Variants in RBM17 observed in about 807,000 individuals in gnomAD.
The protein encoded by RBM17 is RNA binding motif protein 17.
RBM17 carries 7 observed loss-of-function variants against 53.2 expected under a neutral mutation model. The ratio of observed to expected loss-of-function variants is 0.13; its 90% CI spans 0.07 to 0.25. RBM17 has a LOEUF of 0.25. Ranked by LOEUF, RBM17 falls within the 10% of genes least tolerant of loss-of-function variation. The probability of loss-of-function intolerance (pLI) is 1.00; values close to 1 mark genes in which losing one functional copy is unlikely to be tolerated. For missense variants in RBM17, 257 were observed against 496.7 expected, an observed-to-expected ratio of 0.52 and a Z score of 4.59; for synonymous variants, 167 against 178.1, an observed-to-expected ratio of 0.94 and a Z score of 0.50.
rs1002165199 is a variant in RBM17, at chr10:6,115,685, T to C, written c.*129T>C. 5 of 583,556 alleles carry C rather than the reference T, an allele frequency of 8.6e-6. No individual in the cohort carries two copies. Among genetic ancestry groups the C allele is most frequent in the African/African-American group, 1.9e-5 (1 of 53,656 alleles). The allele number at this position is 583,556 out of a possible 1,614,324, so 36.1% of individuals were successfully genotyped here. On this transcript the variant is annotated 3_prime_UTR_variant, in exon 12 of 12. Coordinates refer to ENST00000379888, the MANE Select transcript of RBM17 (RefSeq NM_032905.5). ...GACTCTTGGAAGGACTTCTAAGATA[T>C]ATGTTGATTGATCCCTTTTTTATTT...
chr10:6,099,737 T>C (rs1840642865), intron 2 of RBM17, among the ~76,000 whole-genome samples: 2 of 152,212 alleles, frequency 1.3e-5, no homozygotes, highest in South Asian at 4.1e-4. Flanking sequence ...CAACTCTATA[T>C]TGAATAGAAA....
Position 6,112,451 on chromosome 10 carries a change from G to A in RBM17, c.856+90G>A. Reference sequence around the variant, plus strand: ...CAGTCTTGATCCTCATGTGTCAGCAGGGGGACAATGAGGCGTGTGGCCAGA... The same window carrying A: ...CAGTCTTGATCCTCATGTGTCAGCAAGGGGACAATGAGGCGTGTGGCCAGA... On this transcript the variant is annotated intron_variant, in intron 8 of 11. Coordinates refer to ENST00000379888, the MANE Select transcript of RBM17 (RefSeq NM_032905.5). This position sits in a 1 kb window ranked among gnomAD's most constrained non-coding sequence, Gnocchi z 4.4. The A allele has an allele frequency of 6.7e-7, 1 of 1,489,782 alleles. No individual in the cohort carries two copies. The highest frequency in any genetic ancestry group is 9.2e-7 in the Non-Finnish European group (1 of 1,081,294). 92.3% of individuals were successfully genotyped at this position (1,489,782 alleles called of 1,614,324 possible). A position where few individuals can be genotyped will look rare whatever the true frequency, so the allele number is the denominator to read the frequency against.
intron 1 of RBM17, among the ~76,000 whole-genome samples, chr10:6,091,905 A>C (rs1459168997): frequency 1.3e-5 from 2 of 152,150 alleles, no homozygotes; most frequent in Non-Finnish European, 2.9e-5. Flanking sequence ...TCTGAGATGC[A>C]CTTGAAAGAT....
In RBM17 at chr10:6,112,523, C is replaced by A; in HGVS notation, c.856+162C>A. On this transcript the variant is annotated intron_variant, in intron 8 of 11. Coordinates refer to ENST00000379888, the MANE Select transcript of RBM17 (RefSeq NM_032905.5). The surrounding 1 kb of genome is among the most constrained non-coding windows in gnomAD (Gnocchi z 4.4). ...TCACTAGAACACAGGCCGTCCTGTT[C>A]ATATGATGCACTGCCACTTCCGTTT... 1 of 770,188 alleles carries A rather than the reference C, an allele frequency of 1.3e-6. No homozygotes were observed. The highest frequency in any genetic ancestry group is 2.2e-6 in the Non-Finnish European group (1 of 462,370). 47.7% of individuals were successfully genotyped at this position (770,188 alleles called of 1,614,324 possible).
At chr10:6,093,968 ATTTTTT>A (rs71390121) in intron 1 of RBM17, among the ~76,000 whole-genome samples, 2 of 93,262 alleles carry the variant, frequency 2.1e-5, no homozygotes, top group African/African-American at 8.9e-5. Context: ...CAAGTGTGGA[ATTTTTT>A]TTTTTTTTTT....
chr10:6,098,370 T>C lies in RBM17; in HGVS notation c.123+1182T>C, dbSNP rs76811939. On this transcript the variant is annotated intron_variant, in intron 2 of 11. Transcript: ENST00000379888. ...AGTACTTTAGAGATGTGTACTGAAA[T>C]ATTTACCGATAAGATGATGTCATTT... 3.7e-3 allele frequency among the ~76,000 whole-genome samples: 556 copies of C among 152,150 alleles called. 5 individuals are homozygous for C. Among genetic ancestry groups the C allele is most frequent in the African/African-American group, 0.013 (543 of 41,504 alleles).
chr10:6,101,491 G>A, intron 3 of RBM17, 104 bp downstream of exon 3: 2 of 518,198 alleles, frequency 3.9e-6, no homozygotes, highest in Non-Finnish European at 6.8e-6. Flanking sequence ...GTGGGCCTTT[G>A]AAACCAAGTT....
At chr10:6,101,659 A>G (rs1297574160) in intron 3 of RBM17, among the ~76,000 whole-genome samples, 2 of 152,210 alleles carry the variant, frequency 1.3e-5, no homozygotes, top group African/African-American at 2.4e-5. Context: ...GAAAAACGTA[A>G]TATTTTTCCA....
rs568909815 is a variant in RBM17 at position 6,106,253 on chromosome 10, A to T, written c.505+15A>T. 4.0e-6 allele frequency: 6 copies of T among 1,518,468 alleles called. No individual in the cohort carries two copies. The highest frequency in any genetic ancestry group is 5.5e-6 in the Non-Finnish European group (6 of 1,094,628). The allele number at this position is 1,518,468 out of a possible 1,614,324, so 94.1% of individuals were successfully genotyped here. ...GAGGAAAAGAAGTAAGGCATGAACA[A>T]ATATGTCTTAAACATATATAAATAC... is the stretch of plus-strand genomic sequence containing the variant. On this transcript the variant is annotated intron_variant, in intron 5 of 11. Transcript: ENST00000379888.
At chr10:6,108,591 T>C in intron 5 of RBM17, 95 bp from the exon 6 acceptor site, 1 of 925,216 alleles carries the variant, frequency 1.1e-6, no homozygotes, top group Non-Finnish European at 1.7e-6. Flanking sequence ...TAGTTTTTTC[T>C]TAGGGGGGTG....
intron 8 of RBM17, 118 bp from the exon 9 acceptor site, chr10:6,113,390 A>G (rs1033948719): frequency 2.9e-5 from 20 of 693,418 alleles, no homozygotes; most frequent in Admixed American, 1.8e-4. Flanking sequence ...TAGGACATAA[A>G]TGGTGGGGAT....
chr10:6,095,445 C>A (rs949347090), intron 1 of RBM17, among the ~76,000 whole-genome samples: 1 of 152,080 alleles, frequency 6.6e-6, no homozygotes, highest in African/African-American at 2.4e-5. Flanking sequence ...AACTCCTGAC[C>A]TCAAGTGATC....
chr10:6,091,452 G>C (rs1840483382), intron 1 of RBM17, among the ~76,000 whole-genome samples: 1 of 152,196 alleles, frequency 6.6e-6, no homozygotes, highest in Admixed American at 6.5e-5. Flanking sequence ...TAACAAGCCT[G>C]CCTCTTTAGG....
chr10:6,100,931 C>A (rs41295143), intron 2 of RBM17, among the ~76,000 whole-genome samples: 4,844 of 152,216 alleles, frequency 0.032, 90 homozygotes, highest in South Asian at 0.057. Context: ...AAATGATTTT[C>A]TTTTAAAAAC....
intron 1 of RBM17, among the ~76,000 whole-genome samples, chr10:6,091,407 A>G (rs1349462178): frequency 6.6e-6 from 1 of 152,046 alleles, no homozygotes; most frequent in African/African-American, 2.4e-5. Context: ...TTTATGATGC[A>G]TGAATATCTG....
rs1055579719 is a variant in RBM17 at position 6,089,505 on chromosome 10, TCTC to T, written c.-19+314_-19+316del. The T allele has an allele frequency of 6.5e-6, 1 of 153,164 alleles. No homozygotes were observed. Among genetic ancestry groups the T allele is most frequent in the East Asian group, 1.9e-4 (1 of 5,344 alleles). 9.5% of individuals were successfully genotyped at this position (153,164 alleles called of 1,614,324 possible). A position where few individuals can be genotyped will look rare whatever the true frequency, so the allele number is the denominator to read the frequency against. On this transcript the variant is annotated intron_variant, in intron 1 of 11. Transcript: ENST00000379888. The surrounding 1 kb of genome is among the most constrained non-coding windows in gnomAD (Gnocchi z 5.6). ...CTGTTTGGTGCTGAAGAGCGTTTCT[TCTC>T]CGTCTCGTGCACCGCATCCTGACGA... is the stretch of plus-strand genomic sequence containing the variant.
chr10:6,101,955 A>G (rs1386773946), intron 3 of RBM17, among the ~76,000 whole-genome samples: 1 of 152,234 alleles, frequency 6.6e-6, no homozygotes, highest in Non-Finnish European at 1.5e-5. Flanking sequence ...GTGATTTTAC[A>G]TATGCTTAAA....
chr10:6,110,029 A>G lies in RBM17; in HGVS notation c.606A>G (p.Ser202=), dbSNP rs549032031. The G allele has an allele frequency of 6.2e-7, 1 of 1,613,228 alleles. No individual in the cohort carries two copies. The highest frequency in any genetic ancestry group is 1.1e-5 in the South Asian group (1 of 90,936). The change falls in exon 7 of 12, where the codon TCA becomes TCG. Residue 202 remains serine, a synonymous_variant. Transcript: ENST00000379888. The part of the protein sequence containing the change: ...FPYEEDSRPR[S]QSSKAAIPPP... ...ATGAAGAGGACTCAAGACCTCGATC[A>G]CAGTCTTCCAAAGCAGCCATTCCTC...
intron 1 of RBM17, 102 bp from the exon 2 acceptor site, chr10:6,096,946 G>A (rs1417847289): frequency 9.2e-7 from 1 of 1,089,886 alleles, no homozygotes; most frequent in East Asian, 2.5e-5. Flanking sequence ...TTGCTGAAAG[G>A]TCCTGGACCT....
Sources: gnomAD v4.1 joint callset for allele counts (sites outside exome capture counted in the v4.1 genomes callset) on GRCh38, gnomAD v4.1.1 for gene constraint, Gnocchi (gnomAD v3.1) non-coding constraint, MANE v1.5 for transcripts, NCBI Gene and HGNC (gene_info 2026-07-23, HGNC 2026-07-21) for gene names.